The following DLG2 variants were observed in gnomAD, a reference collection of about 807,000 sequenced individuals.
DLG2 encodes the protein disks large homolog 2.
A neutral mutation model predicts 132.5 loss-of-function variants in DLG2; 45 were observed. That is an observed-to-expected ratio of 0.34 (90% CI 0.27 to 0.44). The LOEUF (loss-of-function observed/expected upper bound fraction) is 0.44, where lower values mean the gene tolerates loss of function less well. Ranked by LOEUF, DLG2 falls within the 20% of genes least tolerant of loss-of-function variation. The pLI is 1.00. For synonymous variants in DLG2, 424 were observed against 419.6 expected (o/e 1.01, Z -0.13); for missense variants, 1,045 against 1,196.9 (o/e 0.87, Z 1.87).
intron 3 of DLG2, among the ~76,000 whole-genome samples, chr11:85,412,756 C>T (rs1221587873): frequency 1.1e-3 from 135 of 123,322 alleles, no homozygotes; most frequent in African/African-American, 4.4e-3. Flanking sequence ...CACACACACA[C>T]ACACATATAT....
intron 16 of DLG2, among the ~76,000 whole-genome samples, chr11:83,862,473 G>T (rs1025093847): frequency 3.0e-4 from 45 of 152,020 alleles, no homozygotes; most frequent in African/African-American, 9.9e-4. Flanking sequence ...ATATTGAGAT[G>T]GTTAATGGGT....
chr11:84,015,190 C>T (rs559687371), intron 11 of DLG2, among the ~76,000 whole-genome samples: 1 of 152,186 alleles, frequency 6.6e-6, no homozygotes, highest in African/African-American at 2.4e-5. Flanking sequence ...TAAGCAGAGG[C>T]TACTATGGCT....
intron 18 of DLG2, among the ~76,000 whole-genome samples, chr11:83,648,478 A>G (rs2068956083): frequency 6.6e-6 from 1 of 152,106 alleles, no homozygotes; most frequent in African/African-American, 2.4e-5. Flanking sequence ...TTGATGGGAT[A>G]ACTTGATGTT....
intron 6 of DLG2, among the ~76,000 whole-genome samples, chr11:84,951,408 G>A (rs560655070): frequency 7.9e-5 from 12 of 152,174 alleles, no homozygotes; most frequent in Non-Finnish European, 1.3e-4. Context: ...GCTTTGTAAG[G>A]AGTAAATTAA....
intron 6 of DLG2, among the ~76,000 whole-genome samples, chr11:84,698,095 T>C (rs1306605574): frequency 6.6e-6 from 1 of 151,494 alleles, no homozygotes; most frequent in Non-Finnish European, 1.5e-5. Flanking sequence ...TCTAAATGTG[T>C]CTGGGGATTT....
intron 6 of DLG2, among the ~76,000 whole-genome samples, chr11:84,742,477 T>A (rs942312825): frequency 2.0e-5 from 3 of 152,128 alleles, no homozygotes; most frequent in African/African-American, 7.2e-5. Context: ...TTACAGGCGT[T>A]TTTCAAAAGA....
In DLG2 at chr11:85,346,660, G is replaced by A. The variant is rs957702456; in HGVS notation, c.41-61295C>T. 9.2e-5 allele frequency among the ~76,000 whole-genome samples: 14 copies of A among 152,252 alleles called. 1 individual carries two copies. Among genetic ancestry groups the A allele is most frequent in the Middle Eastern group, 3.4e-3 (1 of 294 alleles). The stretch of plus-strand genomic sequence containing the variant: ...CCGTAAACATCTAGAGGCAAGAAAT[G>A]TCTAACTTTCTGAGAATGCAGCCCA... On this transcript the variant is annotated intron_variant, in intron 3 of 27. Transcript: ENST00000376104.
chr11:85,595,183 TAA>T (rs1395650659), intron 3 of DLG2, among the ~76,000 whole-genome samples: 1 of 151,718 alleles, frequency 6.6e-6, no homozygotes, highest in East Asian at 1.9e-4. Context: ...ATATTCTAAA[TAA>T]AAGAGATTTA....
At chr11:84,422,854 A>G (rs1015847699) in intron 7 of DLG2, among the ~76,000 whole-genome samples, 1 of 152,194 alleles carries the variant, frequency 6.6e-6, no homozygotes, top group African/African-American at 2.4e-5. Flanking sequence ...ATCTTAGTAA[A>G]GCTAAAGGTA....
At chr11:84,608,991 G>A (rs138980429) in intron 6 of DLG2, among the ~76,000 whole-genome samples, 1 of 152,264 alleles carries the variant, frequency 6.6e-6, no homozygotes, top group Non-Finnish European at 1.5e-5. Context: ...GGCAGAACCT[G>A]AATTGAAACA....
At chr11:83,659,196 A>G (rs182115946) in intron 18 of DLG2, among the ~76,000 whole-genome samples, 3 of 152,330 alleles carry the variant, frequency 2.0e-5, no homozygotes, top group Non-Finnish European at 4.4e-5. Context: ...TAAGAACTTT[A>G]CCTGTGTTAA....
At chr11:84,271,857 A>G (rs887278539) in intron 7 of DLG2, among the ~76,000 whole-genome samples, 1 of 151,958 alleles carries the variant, frequency 6.6e-6, no homozygotes, top group African/African-American at 2.4e-5. Context: ...CAAGAAATCA[A>G]GAAGGGGGAA....
At chr11:85,049,887 G>C (rs2062724265) in intron 6 of DLG2, among the ~76,000 whole-genome samples, 1 of 152,018 alleles carries the variant, frequency 6.6e-6, no homozygotes, top group South Asian at 2.1e-4. Context: ...AAAACAAAAA[G>C]TCATTAATTC....
intron 3 of DLG2, among the ~76,000 whole-genome samples, chr11:85,341,457 G>A (rs1478771130): frequency 6.6e-6 from 1 of 152,154 alleles, no homozygotes; most frequent in Non-Finnish European, 1.5e-5. Flanking sequence ...TATCATCTGC[G>A]AGTAAAGACA....
chr11:84,240,187 G>A (rs1453956503), intron 8 of DLG2, among the ~76,000 whole-genome samples: 1 of 152,150 alleles, frequency 6.6e-6, no homozygotes, highest in Non-Finnish European at 1.5e-5. Context: ...AGGCCTCTTG[G>A]ACTACATGTG....
At chr11:85,123,204 C>T (rs1298632482) in intron 5 of DLG2, among the ~76,000 whole-genome samples, 1 of 151,418 alleles carries the variant, frequency 6.6e-6, no homozygotes, top group Non-Finnish European at 1.5e-5. Flanking sequence ...GTCTCGATTT[C>T]CTGACCTCGT....
chr11:85,615,425 G>A (rs2081270640), intron 2 of DLG2, among the ~76,000 whole-genome samples: 1 of 151,966 alleles, frequency 6.6e-6, no homozygotes, highest in Non-Finnish European at 1.5e-5. Flanking sequence ...GCTGAGGCAG[G>A]AGAATCGCTT....
intron 3 of DLG2, among the ~76,000 whole-genome samples, chr11:85,467,982 T>A (rs2092852250): frequency 6.6e-6 from 1 of 152,214 alleles, no homozygotes; most frequent in African/African-American, 2.4e-5. Context: ...TTGCCTCAAT[T>A]TCACAGCCTG....
At chr11:84,015,275 G>A (rs747210210) in intron 11 of DLG2, among the ~76,000 whole-genome samples, 4 of 152,094 alleles carry the variant, frequency 2.6e-5, no homozygotes, top group East Asian at 1.9e-4. Context: ...AGATGATTAC[G>A]TATGAAAGCT....
Sources: gnomAD v4.1 joint callset for allele counts (sites outside exome capture counted in the v4.1 genomes callset) on GRCh38, gnomAD v4.1.1 for gene constraint, MANE v1.5 for transcripts, NCBI Gene and HGNC (gene_info 2026-07-23, HGNC 2026-07-21) for gene names.